The following GALNTL5 variants were observed in gnomAD, a reference collection of about 807,000 sequenced individuals.
GALNTL5 encodes inactive polypeptide N-acetylgalactosaminyltransferase-like protein 5.
Under a neutral mutation model 51.0 loss-of-function variants are expected in GALNTL5, and 44 were observed. The ratio of observed to expected loss-of-function variants is 0.86; its 90% CI spans 0.68 to 1.11. GALNTL5 has a LOEUF of 1.11. Among genes scored for constraint, GALNTL5 ranks in the 50% least tolerant of loss-of-function variants. The pLI is 0.00. For missense variants in GALNTL5, 528 were observed against 531.8 expected (o/e 0.99, Z 0.07); for synonymous variants, 192 against 182.8 (o/e 1.05, Z -0.41).
chr7:151,996,420 C>T (rs554065959), intron 5 of GALNTL5, among the ~76,000 whole-genome samples: 2 of 150,372 alleles, frequency 1.3e-5, no homozygotes, highest in South Asian at 2.2e-4. Context: ...CATTCTTGAA[C>T]ATCAATACCA....
Position 151,957,382 on chromosome 7 carries a change from T to TA in GALNTL5, c.-40+791dup, listed in dbSNP as rs33975032. On this transcript the variant is annotated intron_variant, in intron 1 of 8. Transcript: ENST00000392800. ...AACATAGCAAGACCTCATCTCTATTTAAAAAAAAAAAAAAAAAACAGGCGT... is the reference window on the plus strand; with the variant it reads ...AACATAGCAAGACCTCATCTCTATTTAAAAAAAAAAAAAAAAAAACAGGCGT... 7.3e-3 allele frequency among the ~76,000 whole-genome samples: 972 copies of TA among 133,344 alleles called. 8 individuals carry two copies. The highest frequency in any genetic ancestry group is 0.024 in the African/African-American group (834 of 35,196). The allele number at this position is 133,344 out of a possible 152,430, so 87.5% of individuals were successfully genotyped here.
At chr7:151,965,303 C>A (rs1372522481) in intron 1 of GALNTL5, among the ~76,000 whole-genome samples, 1 of 152,184 alleles carries the variant, frequency 6.6e-6, no homozygotes, top group African/African-American at 2.4e-5. Context: ...ATCTCATGTG[C>A]ATTGATGTTC....
intron 3 of GALNTL5, among the ~76,000 whole-genome samples, chr7:151,975,306 T>C (rs1449242915): frequency 6.6e-6 from 1 of 152,130 alleles, no homozygotes; most frequent in Non-Finnish European, 1.5e-5. Context: ...ATAGGTTGTA[T>C]GTTTCTGGGA....
intron 5 of GALNTL5, 65 bp downstream of exon 5, chr7:151,987,346 ACT>A: frequency 7.0e-7 from 1 of 1,422,182 alleles, no homozygotes; most frequent in Non-Finnish European, 9.4e-7. Context: ...TCTGAGCGGG[ACT>A]CCTCTGCAGG....
chr7:151,958,046 C>A (rs1586797205), intron 1 of GALNTL5, among the ~76,000 whole-genome samples: 2 of 152,098 alleles, frequency 1.3e-5, no homozygotes, highest in South Asian at 4.1e-4. Context: ...AAAGAGAATT[C>A]CCCCCAAGTT....
At chr7:152,002,368 C>T (rs2081591119) in intron 5 of GALNTL5, among the ~76,000 whole-genome samples, 1 of 152,062 alleles carries the variant, frequency 6.6e-6, no homozygotes, top group South Asian at 2.1e-4. Flanking sequence ...AGAAGGTGTC[C>T]TTTCAGTAAA....
chr7:152,005,429 C>T (rs1052816341), intron 6 of GALNTL5, among the ~76,000 whole-genome samples: 5 of 152,168 alleles, frequency 3.3e-5, no homozygotes, highest in Non-Finnish European at 5.9e-5. Flanking sequence ...CCAACGTTTT[C>T]GGCCTGCACA....
intron 3 of GALNTL5, among the ~76,000 whole-genome samples, chr7:151,975,767 C>A (rs184658315): frequency 6.6e-6 from 1 of 151,814 alleles, no homozygotes; most frequent in East Asian, 1.9e-4. Context: ...TTTTTTATTT[C>A]CATTTGTCAA....
chr7:151,959,911 G>A (rs1483598133), intron 1 of GALNTL5, among the ~76,000 whole-genome samples: 1 of 152,070 alleles, frequency 6.6e-6, no homozygotes, highest in African/African-American at 2.4e-5. Context: ...GGCCTTCCAG[G>A]TCTCTGGCGT....
At chr7:151,994,338 A>G (rs984091857) in intron 5 of GALNTL5, among the ~76,000 whole-genome samples, 3 of 152,126 alleles carry the variant, frequency 2.0e-5, no homozygotes, top group African/African-American at 4.8e-5. Flanking sequence ...TTGAGATGCA[A>G]ACTGTACCTA....
rs1362836180 is a variant in GALNTL5, at chr7:151,974,117, T to TTTTTTTGTGACTGGCTTATTTTGCTTAG, written c.368+3052_368+3053insTTTTTTGTGACTGGCTTATTTTGCTTAG. On this transcript the variant is annotated intron_variant, in intron 3 of 8. Coordinates refer to ENST00000392800, the MANE Select transcript of GALNTL5 (RefSeq NM_145292.4). ...TCTTTTGTTTAGAAATTACCCAGTC[T>TTTTTTTGTGACTGGCTTATTTTGCTTAG]CAGGTGGTATCCTTATAGCAGTGTG... Among the ~76,000 whole-genome samples, 16 of 129,968 alleles carry TTTTTTTGTGACTGGCTTATTTTGCTTAG rather than the reference T, an allele frequency of 1.2e-4. 1 individual carries two copies. Among genetic ancestry groups the TTTTTTTGTGACTGGCTTATTTTGCTTAG allele is most frequent in the South Asian group, 2.6e-4 (1 of 3,854 alleles). The allele number at this position is 129,968 out of a possible 152,430, so 85.3% of individuals were successfully genotyped here. A position where few individuals can be genotyped will look rare whatever the true frequency, so the allele number is the denominator to read the frequency against.
chr7:152,013,241 C>A (rs193285493), intron 7 of GALNTL5, among the ~76,000 whole-genome samples: 1 of 151,882 alleles, frequency 6.6e-6, no homozygotes, highest in African/African-American at 2.4e-5. Context: ...CTATTGAGTG[C>A]GATGCTCATT....
At chr7:152,000,440 C>T (rs1439939168) in intron 5 of GALNTL5, among the ~76,000 whole-genome samples, 2 of 152,226 alleles carry the variant, frequency 1.3e-5, no homozygotes, top group Non-Finnish European at 1.5e-5. Flanking sequence ...TTGCCAGCCA[C>T]ACACCCTCAG....
At chr7:151,983,905 A>C (rs1408023459) in intron 4 of GALNTL5, among the ~76,000 whole-genome samples, 1 of 152,144 alleles carries the variant, frequency 6.6e-6, no homozygotes, top group Non-Finnish European at 1.5e-5. Context: ...GAGGTGGGCA[A>C]AACCAGAGTT....
chr7:151,981,707 G>T (rs2081294053), intron 3 of GALNTL5, among the ~76,000 whole-genome samples: 1 of 129,076 alleles, frequency 7.7e-6, no homozygotes, highest in African/African-American at 2.9e-5. Context: ...TGGATGCAGT[G>T]GTATGGTCTT....
intron 5 of GALNTL5, among the ~76,000 whole-genome samples, chr7:151,987,884 A>G (rs2081379736): frequency 6.6e-6 from 1 of 152,132 alleles, no homozygotes; most frequent in South Asian, 2.1e-4. Context: ...CGTTAGGGAG[A>G]CCTGCAATGG....
At position 151,996,794 on chromosome 7, in the gene GALNTL5, T is replaced by TAAAAA. The variant is rs60393786; in HGVS notation, c.659-5914_659-5910dup. ...ATACAGCAATAACATAACGTGTAGG[T>TAAAAA]AAAAAAAAAAGAAAAAATATTTTTA... On this transcript the variant is annotated intron_variant, in intron 5 of 8. Coordinates refer to ENST00000392800, the MANE Select transcript of GALNTL5 (RefSeq NM_145292.4). Among the ~76,000 whole-genome samples the TAAAAA allele has an allele frequency of 1.4e-3, 207 of 146,150 alleles. 3 individuals carry two copies. Among genetic ancestry groups the TAAAAA allele is most frequent in the African/African-American group, 3.1e-3 (122 of 39,714 alleles).
At chr7:151,981,285 C>T (rs929736770) in intron 3 of GALNTL5, among the ~76,000 whole-genome samples, 7 of 152,254 alleles carry the variant, frequency 4.6e-5, no homozygotes, top group South Asian at 4.1e-4. Context: ...TCATGTAATG[C>T]GCCTTCTATC....
chr7:151,996,126 A>C (rs1349391017), intron 5 of GALNTL5, among the ~76,000 whole-genome samples: 1 of 152,210 alleles, frequency 6.6e-6, no homozygotes, highest in Non-Finnish European at 1.5e-5. Context: ...GTATTTTACA[A>C]AAACTGGTCA....
Sources: gnomAD v4.1 joint callset for allele counts (sites outside exome capture counted in the v4.1 genomes callset) on GRCh38, gnomAD v4.1.1 for gene constraint, MANE v1.5 for transcripts, NCBI Gene and HGNC (gene_info 2026-07-23, HGNC 2026-07-21) for gene names.